TCF12: variants seen among roughly 807,000 people sequenced by gnomAD.
TCF12 encodes the protein transcription factor 12, also known as DNA-binding protein HTF4.
A neutral mutation model predicts 86.0 loss-of-function variants in TCF12; 45 were observed. The ratio of observed to expected loss-of-function variants is 0.52; its 90% confidence interval spans 0.41 to 0.67. TCF12 has a LOEUF of 0.67. Ranked by LOEUF, TCF12 falls within the 30% of genes least tolerant of loss-of-function variation. The pLI is 0.00. For synonymous variants in TCF12, 330 were observed against 299.6 expected (o/e 1.10, Z -1.05); for missense variants, 881 against 859.9 (o/e 1.02, Z -0.31).
At chr15:57,219,614 T>C (rs1441596065) in intron 8 of TCF12, 9 of 1,608,342 alleles carry the variant, frequency 5.6e-6, no homozygotes, top group East Asian at 2.2e-5. Flanking sequence ...TTTGTATAGC[T>C]TCTAACTCAC....
At chr15:57,055,046 C>T (rs1366756690) in intron 3 of TCF12, among the ~76,000 whole-genome samples, 1 of 151,926 alleles carries the variant, frequency 6.6e-6, no homozygotes, top group African/African-American at 2.4e-5. Context: ...AAAAATTAGT[C>T]TTTTTATTTA....
intron 3 of TCF12, among the ~76,000 whole-genome samples, chr15:57,020,829 A>C (rs1285970057): frequency 6.6e-6 from 1 of 152,202 alleles, no homozygotes; most frequent in African/African-American, 2.4e-5. Flanking sequence ...ATGGAAGAGC[A>C]TGAGTAGGTG....
chr15:57,208,478 G>A lies in TCF12; in HGVS notation c.579+10653G>A, dbSNP rs2057957986. On this transcript the variant is annotated intron_variant, in intron 8 of 20. Transcript: ENST00000333725. ...GCTCACTGCAACCTCCACCTCCTGG[G>A]CTCAAGTGATCCTCACACCTCAGCC... Among the ~76,000 whole-genome samples, 3 of 130,772 alleles carry A rather than the reference G, an allele frequency of 2.3e-5. No homozygotes were observed. In the Admixed American group the frequency reaches 2.9e-4, roughly 13 times the overall value. 85.8% of individuals were successfully genotyped at this position (130,772 alleles called of 152,430 possible). A position where few individuals can be genotyped will look rare whatever the true frequency, so the allele number is the denominator to read the frequency against.
intron 4 of TCF12, among the ~76,000 whole-genome samples, chr15:57,075,800 T>TCTCTCTCTCTCTCTCTCTCTCTC (rs1567370475): frequency 9.8e-5 from 2 of 20,484 alleles, no homozygotes; most frequent in East Asian, 1.3e-3. Flanking sequence ...CTTTCTTTCT[T>TCTCTCTCTCTCTCTCTCTCTCTC]TCTTTCTCTC....
chr15:57,051,969 C>T (rs2067657965), intron 3 of TCF12, among the ~76,000 whole-genome samples: 1 of 152,146 alleles, frequency 6.6e-6, no homozygotes. Flanking sequence ...GTTCTCTATT[C>T]TGTTCCATTG....
intron 8 of TCF12, among the ~76,000 whole-genome samples, chr15:57,203,633 C>G (rs1419298833): frequency 6.6e-6 from 1 of 152,172 alleles, no homozygotes; most frequent in Non-Finnish European, 1.5e-5. Flanking sequence ...CGTACGTAGC[C>G]TGATGACATG....
intron 19 of TCF12, among the ~76,000 whole-genome samples, chr15:57,280,225 G>A (rs8037987): frequency 0.74 from 112,876 of 152,046 alleles, 42,034 homozygotes; most frequent in East Asian, 0.82. Flanking sequence ...GATGAAGGAC[G>A]AACTCTTATT....
chr15:57,189,426 G>A (rs1367959777), intron 6 of TCF12, among the ~76,000 whole-genome samples: 2 of 152,064 alleles, frequency 1.3e-5, no homozygotes, highest in Admixed American at 6.5e-5. Context: ...ATGGGCAAAG[G>A]ACTTGACTAG....
chr15:57,109,262 G>T (rs987647349), intron 5 of TCF12: 1 of 152,126 alleles, frequency 6.6e-6, no homozygotes. Context: ...CTATGCCTCA[G>T]TGTGTGGAGT....
At chr15:57,096,879 G>A (rs1199166680) in intron 5 of TCF12, among the ~76,000 whole-genome samples, 1 of 152,104 alleles carries the variant, frequency 6.6e-6, no homozygotes, top group African/African-American at 2.4e-5. Flanking sequence ...TCAAACCTCT[G>A]CTTATAAGCA....
At chr15:57,136,354 CTTT>C (rs776251664) in intron 5 of TCF12, among the ~76,000 whole-genome samples, 1 of 152,050 alleles carries the variant, frequency 6.6e-6, no homozygotes, top group Non-Finnish European at 1.5e-5. Context: ...GCCATGTTTT[CTTT>C]TTTTTCTTTG....
chr15:57,251,373 G>A lies in TCF12; in HGVS notation c.1138G>A (p.Gly380Arg). 1 of 1,613,944 alleles carries A rather than the reference G, an allele frequency of 6.2e-7. No individual in the cohort carries two copies. Among genetic ancestry groups the A allele is most frequent in the Non-Finnish European group, 8.5e-7 (1 of 1,179,884 alleles). ...LTGTSQWPRP[G>R]GQAPSSPSYE... ...AGGTACCAGTCAGTGGCCAAGACCTGGAGGGCAAGCACCTTCATCCCCAAG... is the reference window on the plus strand; with the variant it reads ...AGGTACCAGTCAGTGGCCAAGACCTAGAGGGCAAGCACCTTCATCCCCAAG... Residue 380 changes from glycine to arginine, a missense_variant, in exon 14 of 21, where the codon GGA (glycine) becomes AGA (arginine). Around this residue, in one of 3 missense-constraint regions of TCF12, gnomAD observed 766 missense variants for 718.9 expected, o/e 1.07. Coordinates refer to ENST00000333725, the MANE Select transcript of TCF12 (RefSeq NM_207037.2).
At position 57,040,264 on chromosome 15, in the gene TCF12, C is replaced by T. The variant is rs183638780; in HGVS notation, c.149-23486C>T. On this transcript the variant is annotated intron_variant, in intron 3 of 20. Transcript: ENST00000333725. Reference sequence around the variant, plus strand: ...TTAATTTATCGTTCAATCTAGATTCCTGATTTTGTTTATAACGTGGGCTGT... The same window carrying T: ...TTAATTTATCGTTCAATCTAGATTCTTGATTTTGTTTATAACGTGGGCTGT... Among the ~76,000 whole-genome samples the T allele has an allele frequency of 4.6e-5, 7 of 152,224 alleles. No individual in the cohort carries two copies. The East Asian group carries it at 1.3e-3, about 29-fold the overall frequency.
intron 5 of TCF12, among the ~76,000 whole-genome samples, chr15:57,127,157 A>G (rs1180941782): frequency 6.6e-6 from 1 of 151,496 alleles, no homozygotes; most frequent in African/African-American, 2.4e-5. Context: ...TAATTTTTGT[A>G]TGTTTAGTAG....
chr15:56,965,482 A>G (rs2061961469), intron 3 of TCF12, among the ~76,000 whole-genome samples: 2 of 152,198 alleles, frequency 1.3e-5, no homozygotes, highest in Non-Finnish European at 2.9e-5. Flanking sequence ...CACAATCTGA[A>G]TGAAGAGGAA....
At chr15:56,943,838 G>T (rs2140377576) in intron 3 of TCF12, among the ~76,000 whole-genome samples, 1 of 152,268 alleles carries the variant, frequency 6.6e-6, no homozygotes. Flanking sequence ...ACCCAACATT[G>T]TATTAGTGTC....
intron 5 of TCF12, among the ~76,000 whole-genome samples, chr15:57,107,835 G>C (rs1369809851): frequency 6.6e-6 from 1 of 152,160 alleles, no homozygotes; most frequent in Non-Finnish European, 1.5e-5. Flanking sequence ...TTAAGCCCAA[G>C]AATTGAAGAC....
chr15:56,981,689 G>A (rs2062901182), intron 3 of TCF12, among the ~76,000 whole-genome samples: 1 of 152,046 alleles, frequency 6.6e-6, no homozygotes, highest in Non-Finnish European at 1.5e-5. Context: ...ACTTAACTAC[G>A]AATAGCCTTT....
chr15:57,214,144 AG>A (rs1204830334), intron 8 of TCF12: 3 of 152,228 alleles, frequency 2.0e-5, no homozygotes, highest in Non-Finnish European at 4.4e-5. Flanking sequence ...ATGCAGGGGC[AG>A]GGGGACCCCC....
Sources: allele counts gnomAD v4.1 joint callset (sites outside exome capture counted in the v4.1 genomes callset), GRCh38; gene constraint gnomAD v4.1.1; regional missense constraint gnomAD v4.1.1; transcripts MANE v1.5; gene names NCBI Gene and HGNC (gene_info 2026-07-23, HGNC 2026-07-21).